Variants in TMEM132C observed in about 807,000 individuals in gnomAD.
TMEM132C encodes protein phosphatase 1, regulatory subunit 152.
In TMEM132C, 29 loss-of-function variants were observed where a neutral mutation model predicts 61.4. The ratio of observed to expected loss-of-function variants is 0.47; its 90% confidence interval spans 0.35 to 0.64. The LOEUF (loss-of-function observed/expected upper bound fraction) is 0.64, where lower values mean the gene tolerates loss of function less well. TMEM132C is among the 30% of genes least tolerant of loss of function. The pLI is 0.00. For synonymous variants in TMEM132C, 656 were observed against 633.1 expected, an observed-to-expected ratio of 1.04 and a Z score of -0.54; for missense variants, 1,408 against 1,476.9, an observed-to-expected ratio of 0.95 and a Z score of 0.76.
intron 8 of TMEM132C, among the ~76,000 whole-genome samples, chr12:128,698,888 G>A (rs1050900623): frequency 9.2e-5 from 14 of 152,320 alleles, no homozygotes; most frequent in South Asian, 2.1e-4. Context: ...AGTAGCAGGC[G>A]TTAGGATCCC....
At chr12:128,574,715 G>A (rs1315800569) in intron 3 of TMEM132C, among the ~76,000 whole-genome samples, 1 of 152,146 alleles carries the variant, frequency 6.6e-6, no homozygotes, top group African/African-American at 2.4e-5. Context: ...GGTTCCAAGT[G>A]GAAAAACCAT....
chr12:128,409,517 C>T (rs1868452427), intron 1 of TMEM132C, among the ~76,000 whole-genome samples: 1 of 152,176 alleles, frequency 6.6e-6, no homozygotes. Context: ...CCAAATGTTT[C>T]CAGTTCCTCC....
At chr12:128,457,305 T>TAAA (rs578230110) in intron 2 of TMEM132C, among the ~76,000 whole-genome samples, 9,564 of 120,762 alleles carry the variant, frequency 0.079, 378 homozygotes, top group Middle Eastern at 0.12. Flanking sequence ...TCTCCATCTG[T>TAAA]AAAAAAAAAA....
chr12:128,564,745 A>G (rs1403289720), intron 3 of TMEM132C, among the ~76,000 whole-genome samples: 2 of 152,308 alleles, frequency 1.3e-5, no homozygotes, highest in East Asian at 3.9e-4. Flanking sequence ...TCACCTCATG[A>G]GATTGCCCTC....
At chr12:128,544,312 C>T (rs1196240771) in intron 3 of TMEM132C, among the ~76,000 whole-genome samples, 5 of 152,246 alleles carry the variant, frequency 3.3e-5, no homozygotes, top group African/African-American at 7.2e-5. Flanking sequence ...TGCAGCGCTG[C>T]GGGGTCAGCT....
chr12:128,550,357 C>G (rs1023307262), intron 3 of TMEM132C, among the ~76,000 whole-genome samples: 7 of 151,292 alleles, frequency 4.6e-5, no homozygotes, highest in Non-Finnish European at 8.8e-5. Context: ...GCCTGGGGTG[C>G]AGTGGTGTAA....
chr12:128,306,465 G>A (rs566954453), intron 1 of TMEM132C, among the ~76,000 whole-genome samples: 1 of 152,164 alleles, frequency 6.6e-6, no homozygotes, highest in East Asian at 1.9e-4. Context: ...GCCTCCCAAA[G>A]TGCTGGGATT....
rs373668821 is a variant in TMEM132C, at chr12:128,303,593, T to C, written c.85+36106T>C. On this transcript the variant is annotated intron_variant, in intron 1 of 8. Coordinates refer to ENST00000435159, the MANE Select transcript of TMEM132C (RefSeq NM_001136103.3). The stretch of plus-strand genomic sequence containing the variant: ...GAGCAAAAAGGGGTGGTAAAATACA[T>C]CCTGAGCCTTAGGCATCAGGAGAAG... Among the ~76,000 whole-genome samples, 11 of 152,322 alleles carry C rather than the reference T, an allele frequency of 7.2e-5. No individual in the cohort carries two copies. In the South Asian group the frequency reaches 2.3e-3, roughly 32 times the overall value.
intron 4 of TMEM132C, among the ~76,000 whole-genome samples, chr12:128,622,911 G>A (rs1360373030): frequency 2.0e-5 from 3 of 152,130 alleles, no homozygotes; most frequent in Non-Finnish European, 4.4e-5. Flanking sequence ...AGGATGGGTT[G>A]GATGCTCTAG....
At chr12:128,444,051 G>A (rs919087658) in intron 2 of TMEM132C, among the ~76,000 whole-genome samples, 1 of 152,136 alleles carries the variant, frequency 6.6e-6, no homozygotes, top group African/African-American at 2.4e-5. Context: ...AGCCTTGTAA[G>A]TACCTGAAAC....
chr12:128,448,486 A>T (rs1308957683), intron 2 of TMEM132C, among the ~76,000 whole-genome samples: 1 of 151,892 alleles, frequency 6.6e-6, no homozygotes, highest in East Asian at 1.9e-4. Flanking sequence ...TGTGTGTCCT[A>T]CTCTAGCGGG....
chr12:128,353,480 A>G (rs920102797), intron 1 of TMEM132C, among the ~76,000 whole-genome samples: 3 of 152,182 alleles, frequency 2.0e-5, no homozygotes, highest in Non-Finnish European at 4.4e-5. Flanking sequence ...AGCATTCACA[A>G]GGGCGTTCTC....
rs181051918 is a variant in TMEM132C at position 128,373,248 on chromosome 12, G to C, written c.86-41484G>C. 3.2e-3 allele frequency among the ~76,000 whole-genome samples: 487 copies of C among 152,020 alleles called. 7 individuals carry two copies. The highest frequency in any genetic ancestry group is 5.7e-4 in the Non-Finnish European group (39 of 67,990). On this transcript the variant is annotated intron_variant, in intron 1 of 8. Transcript: ENST00000435159. ...CTACCTCTTCAGGCATCATACTCTT[G>C]GTCAAGAAAGGAAGGAGTGGAGCTG...
chr12:128,434,653 T>A (rs1417201815), intron 2 of TMEM132C, among the ~76,000 whole-genome samples: 1 of 151,372 alleles, frequency 6.6e-6, no homozygotes, highest in East Asian at 2.0e-4. Flanking sequence ...CCCAGCCTCG[T>A]GTGCAGTGGC....
At chr12:128,655,633 C>T (rs1593136679) in intron 4 of TMEM132C, among the ~76,000 whole-genome samples, 1 of 152,076 alleles carries the variant, frequency 6.6e-6, no homozygotes, top group East Asian at 1.9e-4. Context: ...TCAGTCTCTG[C>T]TTTCTCCTTC....
intron 1 of TMEM132C, among the ~76,000 whole-genome samples, chr12:128,322,495 T>A (rs941521093): frequency 2.0e-5 from 3 of 152,230 alleles, no homozygotes; most frequent in African/African-American, 7.2e-5. Flanking sequence ...TTCCAAACAC[T>A]ACACACAGTG....
intron 1 of TMEM132C, among the ~76,000 whole-genome samples, chr12:128,371,871 A>G (rs892666875): frequency 1.3e-5 from 2 of 152,182 alleles, no homozygotes; most frequent in African/African-American, 2.4e-5. Context: ...GAGCCACTGC[A>G]CCCAGCCTCT....
At chr12:128,479,722 C>T (rs970422734) in intron 2 of TMEM132C, among the ~76,000 whole-genome samples, 2 of 152,158 alleles carry the variant, frequency 1.3e-5, no homozygotes, top group African/African-American at 4.8e-5. Flanking sequence ...CCAAGGTGGA[C>T]CCGGGCCCCA....
intron 1 of TMEM132C, among the ~76,000 whole-genome samples, chr12:128,338,645 G>T (rs182910749): frequency 2.4e-4 from 36 of 151,912 alleles, no homozygotes; most frequent in African/African-American, 8.2e-4. Flanking sequence ...TTCTCAGCGG[G>T]CCCCCTCCCA....
Sources: allele counts gnomAD v4.1 joint callset (sites outside exome capture counted in the v4.1 genomes callset), GRCh38; gene constraint gnomAD v4.1.1; transcripts MANE v1.5; gene names NCBI Gene and HGNC (gene_info 2026-07-23, HGNC 2026-07-21).